The following PHLPP1 variants were observed in gnomAD, a reference collection of about 807,000 sequenced individuals.
The protein encoded by PHLPP1 is PH domain leucine-rich repeat-containing protein phosphatase 1.
A neutral mutation model predicts 117.2 loss-of-function variants in PHLPP1; 42 were observed. That is an observed-to-expected ratio of 0.36 (90% confidence interval 0.28 to 0.46). The LOEUF (loss-of-function observed/expected upper bound fraction) is 0.46. Ranked by LOEUF, PHLPP1 falls within the 20% of genes least tolerant of loss-of-function variation. The probability of loss-of-function intolerance (pLI) is 1.00; values close to 1 mark genes in which losing one functional copy is unlikely to be tolerated. For synonymous variants in PHLPP1, 1,042 were observed against 970.7 expected, an observed-to-expected ratio of 1.07 and a Z score of -1.37; for missense variants, 2,084 against 2,241.9, an observed-to-expected ratio of 0.93 and a Z score of 1.42.
In PHLPP1 at chr18:62,875,972, A is replaced by G. The variant is rs578138984; in HGVS notation, c.2066+15371A>G. ...GGTCTCGAACTCCTGACCTGAGATG[A>G]TCTGCCTGCCTCAGCCTCCCAAAGT... On this transcript the variant is annotated intron_variant, in intron 4 of 16. Transcript: ENST00000262719. Among the ~76,000 whole-genome samples, 14 of 152,226 alleles carry G rather than the reference A, an allele frequency of 9.2e-5. 1 individual carries two copies. The highest frequency in any genetic ancestry group is 2.9e-4 in the African/African-American group (12 of 41,528).
intron 1 of PHLPP1, among the ~76,000 whole-genome samples, chr18:62,819,603 T>A (rs928209405): frequency 1.3e-5 from 2 of 152,122 alleles, no homozygotes; most frequent in Non-Finnish European, 2.9e-5. Context: ...TTATCAGATT[T>A]AAAAAAAGAG....
At position 62,716,999 on chromosome 18, in the gene PHLPP1, C is replaced by T; in HGVS notation, c.1316C>T (p.Ala439Val). ...CGCGAGGGGTCGTGCGAGGAGAAGGCAGCGGCAGCCGTGGCCCCGGGAGGC... is the reference window on the plus strand; with the variant it reads ...CGCGAGGGGTCGTGCGAGGAGAAGGTAGCGGCAGCCGTGGCCCCGGGAGGC... ...AVREGSCEEK[A>V]AAAVAPGGLQ... The change falls in exon 1 of 17, where the codon GCA (alanine) becomes GTA (valine). Residue 439 changes from alanine (A) to valine (V), a missense_variant. Physicochemically the swap from Ala to Val is moderately conservative, Grantham distance 64 (BLOSUM62 0). Around this residue, in one of 2 missense-constraint regions of PHLPP1, gnomAD observed 719 missense variants for 636.0 expected, o/e 1.13. Transcript: ENST00000262719. This position sits in a 1 kb window ranked among gnomAD's most constrained non-coding sequence, Gnocchi z 5.7. 1 of 1,543,094 alleles carries T rather than the reference C, an allele frequency of 6.5e-7. No homozygotes were observed. Among genetic ancestry groups the T allele is most frequent in the Non-Finnish European group, 8.7e-7 (1 of 1,145,922 alleles).
rs539840878 is a variant in PHLPP1 at position 62,751,794 on chromosome 18, C to G, written c.1576+34535C>G. Among the ~76,000 whole-genome samples, 14 of 152,200 alleles carry G rather than the reference C, an allele frequency of 9.2e-5. No homozygotes were observed. In the East Asian group the frequency reaches 2.1e-3, roughly 23 times the overall value. On this transcript the variant is annotated intron_variant, in intron 1 of 16. Coordinates refer to ENST00000262719, the MANE Select transcript of PHLPP1 (RefSeq NM_194449.4). ...GGACTATGTGGGTCTTTCCCCTCCTCCATTTCCTGCTCTGCCCCTTAAAAA... is the reference window on the plus strand; with the variant it reads ...GGACTATGTGGGTCTTTCCCCTCCTGCATTTCCTGCTCTGCCCCTTAAAAA...
In PHLPP1 at chr18:62,735,616, C is replaced by T. The variant is rs185039047; in HGVS notation, c.1576+18357C>T. Among the ~76,000 whole-genome samples the T allele has an allele frequency of 1.2e-4, 18 of 146,506 alleles. No homozygotes were observed. In the East Asian group the frequency reaches 3.5e-3, roughly 28 times the overall value. On this transcript the variant is annotated intron_variant, in intron 1 of 16. Transcript: ENST00000262719. ...CAACAACAACAACAAAACCAGTTGA[C>T]CACCCTCTTGGTTTTAAGAAACTGA...
chr18:62,864,783 C>A (rs1915730803), intron 4 of PHLPP1, among the ~76,000 whole-genome samples: 1 of 152,214 alleles, frequency 6.6e-6, no homozygotes, highest in Non-Finnish European at 1.5e-5. Flanking sequence ...CATTACCCAT[C>A]CCTTTTATTT....
chr18:62,970,541 G>T (rs1448592501), intron 14 of PHLPP1, among the ~76,000 whole-genome samples: 1 of 152,114 alleles, frequency 6.6e-6, no homozygotes, highest in African/African-American at 2.4e-5. Context: ...GAGGCGGGCG[G>T]ATCGCTCGAG....
intron 6 of PHLPP1, among the ~76,000 whole-genome samples, chr18:62,899,055 C>A (rs923722716): frequency 4.6e-5 from 7 of 152,108 alleles, no homozygotes; most frequent in Non-Finnish European, 8.8e-5. Context: ...CTGCTTCGGC[C>A]TCCCAAAGTG....
intron 4 of PHLPP1, among the ~76,000 whole-genome samples, chr18:62,861,843 T>G (rs1915639478): frequency 6.6e-6 from 1 of 152,222 alleles, no homozygotes; most frequent in Admixed American, 6.5e-5. Context: ...TTCTTAAATG[T>G]TAGTTCTAAA....
intron 1 of PHLPP1, among the ~76,000 whole-genome samples, chr18:62,786,231 T>C (rs1292497681): frequency 6.6e-6 from 1 of 152,236 alleles, no homozygotes; most frequent in Admixed American, 6.5e-5. Context: ...TTTTAAAAGA[T>C]AAACATCTTT....
rs192095464 is a variant in PHLPP1 at position 62,821,723 on chromosome 18, A to G, written c.1577-8312A>G. 3.6e-4 allele frequency among the ~76,000 whole-genome samples: 54 copies of G among 151,990 alleles called. 1 individual carries two copies. The highest frequency in any genetic ancestry group is 9.2e-4 in the Admixed American group (14 of 15,272). On this transcript the variant is annotated intron_variant, in intron 1 of 16. Coordinates refer to ENST00000262719, the MANE Select transcript of PHLPP1 (RefSeq NM_194449.4). ...AAGAGGTGACATCATTACAGATTCT[A>G]TAGATATTAAAAGGATAATAAGAAT...
At chr18:62,944,702 A>C (rs1384927040) in intron 11 of PHLPP1, among the ~76,000 whole-genome samples, 1 of 152,172 alleles carries the variant, frequency 6.6e-6, no homozygotes, top group Admixed American at 6.5e-5. Flanking sequence ...TTGAGTTTTC[A>C]GTGCCACTAC....
chr18:62,730,077 G>GT, intron 1 of PHLPP1, among the ~76,000 whole-genome samples: 1 of 152,344 alleles, frequency 6.6e-6, no homozygotes, highest in South Asian at 2.1e-4. Flanking sequence ...CAGAATTCAA[G>GT]TTCAGGCATC....
intron 1 of PHLPP1, among the ~76,000 whole-genome samples, chr18:62,741,037 G>A (rs1911511655): frequency 1.3e-5 from 2 of 152,256 alleles, no homozygotes; most frequent in Admixed American, 6.5e-5. Flanking sequence ...AGATCATCTA[G>A]CTATTTTATA....
intron 1 of PHLPP1, among the ~76,000 whole-genome samples, chr18:62,742,972 T>A (rs2122076097): frequency 6.6e-6 from 1 of 152,322 alleles, no homozygotes; most frequent in East Asian, 1.9e-4. Context: ...CTCTTAATAC[T>A]TTAAAAACCA....
intron 1 of PHLPP1, among the ~76,000 whole-genome samples, chr18:62,776,771 G>A (rs889905410): frequency 3.9e-5 from 6 of 151,992 alleles, no homozygotes; most frequent in Admixed American, 1.3e-4. Flanking sequence ...CACCACACCC[G>A]GCTAATTTTT....
At chr18:62,833,199 G>A (rs888781569) in intron 2 of PHLPP1, among the ~76,000 whole-genome samples, 9 of 152,200 alleles carry the variant, frequency 5.9e-5, no homozygotes, top group Non-Finnish European at 7.4e-5. Flanking sequence ...TCAGCCTCCT[G>A]AGTAGCTGGG....
intron 10 of PHLPP1, among the ~76,000 whole-genome samples, chr18:62,936,210 A>G (rs533895471): frequency 6.6e-6 from 1 of 152,330 alleles, no homozygotes; most frequent in East Asian, 1.9e-4. Flanking sequence ...CAGTGGCCAC[A>G]TTTGGGACAA....
At chr18:62,776,956 T>C (rs992708380) in intron 1 of PHLPP1, among the ~76,000 whole-genome samples, 18 of 152,234 alleles carry the variant, frequency 1.2e-4, no homozygotes, top group African/African-American at 3.6e-4. Flanking sequence ...TGTTTAGTCA[T>C]TCTCCTATTG....
intron 1 of PHLPP1, among the ~76,000 whole-genome samples, chr18:62,758,955 G>A (rs1055981843): frequency 3.0e-4 from 45 of 152,318 alleles, no homozygotes; most frequent in African/African-American, 9.9e-4. Context: ...TAATTCCTGT[G>A]TAATGTTTAC....
Sources: allele counts gnomAD v4.1 joint callset (sites outside exome capture counted in the v4.1 genomes callset), GRCh38; gene constraint gnomAD v4.1.1; regional missense constraint gnomAD v4.1.1; non-coding constraint Gnocchi (gnomAD v3.1); transcripts MANE v1.5; gene names NCBI Gene and HGNC (gene_info 2026-07-23, HGNC 2026-07-21).